The following TMEM135 variants were observed in gnomAD, a reference collection of about 807,000 sequenced individuals.
The protein encoded by TMEM135 is transmembrane protein 135, also known as peroxisomal membrane protein 52.
TMEM135 carries 30 observed loss-of-function variants against 60.3 expected under a neutral mutation model. That is an observed-to-expected ratio of 0.50 (90% CI 0.37 to 0.68). The LOEUF is 0.68. Among genes scored for constraint, TMEM135 ranks in the 30% least tolerant of loss-of-function variants. TMEM135 has a pLI of 0.00. For missense variants in TMEM135, 468 were observed against 548.8 expected (o/e 0.85, Z 1.47); for synonymous variants, 190 against 186.7 (o/e 1.02, Z -0.14).
At chr11:87,052,958 T>G (rs1175920063) in intron 1 of TMEM135, among the ~76,000 whole-genome samples, 1 of 102,610 alleles carries the variant, frequency 9.7e-6, no homozygotes, top group Non-Finnish European at 1.9e-5. Context: ...ATGTGGCACA[T>G]ATACACCATG....
At chr11:87,234,938 T>TAC (rs1940963424) in intron 5 of TMEM135, among the ~76,000 whole-genome samples, 1 of 151,792 alleles carries the variant, frequency 6.6e-6, no homozygotes. Context: ...GTGTGAAAGA[T>TAC]TTGTGGGATA....
chr11:87,203,543 G>T (rs1015117885), intron 5 of TMEM135, among the ~76,000 whole-genome samples: 1 of 151,854 alleles, frequency 6.6e-6, no homozygotes, highest in Non-Finnish European at 1.5e-5. Flanking sequence ...TTCTTTTTAT[G>T]GCTCAATTTC....
At chr11:87,064,158 A>G (rs779056932) in intron 1 of TMEM135, among the ~76,000 whole-genome samples, 9 of 152,068 alleles carry the variant, frequency 5.9e-5, no homozygotes, top group Non-Finnish European at 1.3e-4. Context: ...TTATATTATC[A>G]GTTCTTGGCA....
intron 4 of TMEM135, among the ~76,000 whole-genome samples, chr11:87,105,333 C>T (rs1380752542): frequency 6.6e-6 from 1 of 152,194 alleles, no homozygotes; most frequent in African/African-American, 2.4e-5. Context: ...ATTAGATTCT[C>T]ATAGGATCCC....
chr11:87,090,048 A>G (rs1028501809), intron 3 of TMEM135, among the ~76,000 whole-genome samples: 12 of 152,186 alleles, frequency 7.9e-5, no homozygotes, highest in African/African-American at 1.2e-4. Flanking sequence ...TGTAAGGGCA[A>G]TTGGGTTCTC....
At chr11:87,319,605 TA>T (rs1942788346) in intron 14 of TMEM135, among the ~76,000 whole-genome samples, 1 of 151,786 alleles carries the variant, frequency 6.6e-6, no homozygotes, top group African/African-American at 2.4e-5. Flanking sequence ...ATTTGCTAAC[TA>T]CTAATTAGCT....
intron 7 of TMEM135, among the ~76,000 whole-genome samples, chr11:87,297,944 CAAACTTAT>C (rs1477948656): frequency 6.6e-6 from 1 of 152,152 alleles, no homozygotes; most frequent in African/African-American, 2.4e-5. Flanking sequence ...GAATTAATCT[CAAACTTAT>C]AAAGTTGATT....
chr11:87,161,670 T>A (rs1938884903), intron 5 of TMEM135, among the ~76,000 whole-genome samples: 1 of 152,178 alleles, frequency 6.6e-6, no homozygotes, highest in Admixed American at 6.6e-5. Context: ...ACTGAGAACA[T>A]GTAATGAACA....
intron 4 of TMEM135, among the ~76,000 whole-genome samples, chr11:87,146,359 C>T (rs1938415910): frequency 6.6e-6 from 1 of 152,074 alleles, no homozygotes; most frequent in South Asian, 2.1e-4. Flanking sequence ...GTCTCAAAAA[C>T]AAAAATTGGT....
chr11:87,111,720 A>T (rs373087064), intron 4 of TMEM135, among the ~76,000 whole-genome samples: 10 of 151,844 alleles, frequency 6.6e-5, no homozygotes, highest in African/African-American at 2.4e-4. Context: ...GTATTCAGTG[A>T]ATTATACCCA....
chr11:87,091,294 TAATA>T, intron 3 of TMEM135, 64 bp from the exon 4 acceptor site: 1 of 1,356,990 alleles, frequency 7.4e-7, no homozygotes, highest in Non-Finnish European at 1.0e-6. Flanking sequence ...TATAGACTTC[TAATA>T]AATGATAAAG....
At chr11:87,108,762 A>G (rs988774333) in intron 4 of TMEM135, among the ~76,000 whole-genome samples, 2 of 152,200 alleles carry the variant, frequency 1.3e-5, no homozygotes, top group Non-Finnish European at 2.9e-5. Context: ...TGTCTAAGGC[A>G]TATGAATTCT....
intron 6 of TMEM135, among the ~76,000 whole-genome samples, chr11:87,270,075 T>C (rs1434280182): frequency 7.1e-6 from 1 of 140,338 alleles, no homozygotes; most frequent in African/African-American, 2.6e-5. Flanking sequence ...TGGTTTTGAT[T>C]TGCATTTCTC....
intron 6 of TMEM135, among the ~76,000 whole-genome samples, chr11:87,276,014 A>G (rs1238021998): frequency 6.6e-6 from 1 of 152,206 alleles, no homozygotes; most frequent in Non-Finnish European, 1.5e-5. Context: ...GCCAAGCTCC[A>G]GAAGGACCCC....
At chr11:87,311,093 G>GTA (rs1229690356) in intron 10 of TMEM135, among the ~76,000 whole-genome samples, 18 of 103,716 alleles carry the variant, frequency 1.7e-4, no homozygotes, top group South Asian at 3.6e-4. Context: ...TATTCTGTGG[G>GTA]TATATATATA....
chr11:87,182,451 G>A (rs557144159), intron 5 of TMEM135, among the ~76,000 whole-genome samples: 14 of 152,166 alleles, frequency 9.2e-5, no homozygotes, highest in Non-Finnish European at 1.8e-4. Context: ...CTTGACTAAG[G>A]TGCTGTGAGT....
At chr11:87,230,934 G>C (rs1223635659) in intron 5 of TMEM135, among the ~76,000 whole-genome samples, 1 of 151,994 alleles carries the variant, frequency 6.6e-6, no homozygotes, top group Non-Finnish European at 1.5e-5. Context: ...TGATAGATTT[G>C]CTCTTCCAGT....
chr11:87,182,782 C>G (rs924290434), intron 5 of TMEM135, among the ~76,000 whole-genome samples: 6 of 151,982 alleles, frequency 3.9e-5, no homozygotes, highest in African/African-American at 1.4e-4. Flanking sequence ...TTTCATAGAT[C>G]TCACTTTTAA....
intron 9 of TMEM135, among the ~76,000 whole-genome samples, chr11:87,307,380 C>CAAAAAAAAA (rs5793247): frequency 7.3e-6 from 1 of 137,928 alleles, no homozygotes; most frequent in African/African-American, 2.7e-5. Context: ...TTAAAGTGGC[C>CAAAAAAAAA]AAAAAAAAAA....
Sources: gnomAD v4.1 joint callset for allele counts (sites outside exome capture counted in the v4.1 genomes callset) on GRCh38, gnomAD v4.1.1 for gene constraint, MANE v1.5 for transcripts, NCBI Gene and HGNC (gene_info 2026-07-23, HGNC 2026-07-21) for gene names.